The following TRIM37 variants were observed in gnomAD, a reference collection of about 807,000 sequenced individuals.
TRIM37 encodes E3 ubiquitin-protein ligase TRIM37.
In TRIM37, 80 loss-of-function variants were observed where a neutral mutation model predicts 129.8. That is an observed-to-expected ratio of 0.62 (90% confidence interval 0.51 to 0.74). The LOEUF is 0.74. Ranked by LOEUF, TRIM37 falls within the 30% of genes least tolerant of loss-of-function variation. TRIM37 has a pLI of 0.00. For missense variants in TRIM37, 1,054 were observed against 1,176.5 expected, an observed-to-expected ratio of 0.90 and a Z score of 1.52; for synonymous variants, 389 against 387.1, an observed-to-expected ratio of 1.00 and a Z score of -0.06.
chr17:58,999,509 A>T, intron 23 of TRIM37, 50 bp from the exon 24 acceptor site: 1 of 1,454,330 alleles, frequency 6.9e-7, no homozygotes, highest in Non-Finnish European at 9.4e-7. Context: ...GCATATAACA[A>T]GGGCAGTATT....
rs758184105 is a variant in TRIM37, at chr17:58,998,661, TGAAA to T, written c.*712_*715del. ...TCGTATAGTAAGAGGCAGAAAAAAA[TGAAA>T]GAATTTTAAATAATCTTACACGTGT... On this transcript the variant is annotated 3_prime_UTR_variant, in exon 24 of 24. Coordinates refer to ENST00000262294, the MANE Select transcript of TRIM37 (RefSeq NM_015294.6). 140 of 985,124 alleles carry T rather than the reference TGAAA, an allele frequency of 1.4e-4. No individual in the cohort carries two copies. The highest frequency in any genetic ancestry group is 1.6e-4 in the Non-Finnish European group (133 of 829,860). The allele number at this position is 985,124 out of a possible 1,614,324, so 61.0% of individuals were successfully genotyped here. A position where few individuals can be genotyped will look rare whatever the true frequency, so the allele number is the denominator to read the frequency against.
At chr17:58,984,466 C>G (rs2031607568) in intron 24 of TRIM37, 2 of 152,604 alleles carry the variant, frequency 1.3e-5, no homozygotes, top group South Asian at 4.1e-4. Context: ...AATTTTTAAA[C>G]CTAATTTATT....
At chr17:59,062,813 T>C (rs2041609250) in intron 10 of TRIM37, among the ~76,000 whole-genome samples, 165 bp from the exon 11 acceptor site, 1 of 152,130 alleles carries the variant, frequency 6.6e-6, no homozygotes, top group African/African-American at 2.4e-5. Context: ...TTAGATATGC[T>C]TACATCCTGA....
chr17:59,082,839 G>A (rs2043415429), intron 5 of TRIM37, among the ~76,000 whole-genome samples: 1 of 152,108 alleles, frequency 6.6e-6, no homozygotes, highest in Non-Finnish European at 1.5e-5. Context: ...CATTTCTACT[G>A]TCTCTTACAA....
At chr17:59,012,477 T>G in intron 21 of TRIM37, 31 bp from the exon 22 acceptor site, 1 of 1,365,380 alleles carries the variant, frequency 7.3e-7, no homozygotes, top group Non-Finnish European at 1.0e-6. Flanking sequence ...GATATTTCTC[T>G]ATAACTAGTG....
intron 4 of TRIM37, chr17:59,087,957 T>G (rs960333892): frequency 4.2e-6 from 2 of 471,058 alleles, no homozygotes; most frequent in Non-Finnish European, 7.6e-6. Flanking sequence ...TTAAATGACT[T>G]AACACTGTAT....
In TRIM37 at chr17:59,081,115, G is replaced by A. The variant is rs747771229; in HGVS notation, c.474C>T (p.Ile158=). The change falls in exon 6 of 24, where the codon ATC becomes ATT. Residue 158 remains isoleucine (I), a synonymous_variant. Coordinates refer to ENST00000262294, the MANE Select transcript of TRIM37 (RefSeq NM_015294.6). ...AKLRRRLMEL[I]SLVQEVERNV... The stretch of plus-strand genomic sequence containing the variant: ...GTCTTACCACTTCTTGAACTAAGCT[G>A]ATCAGTTCCATGAGACGCCGACGAA... 24 of 1,612,976 alleles carry A rather than the reference G, an allele frequency of 1.5e-5. No individual in the cohort carries two copies. The East Asian group carries it at 5.1e-4, about 34-fold the overall frequency.
In TRIM37 at chr17:59,106,593, C is replaced by G; in HGVS notation, c.-132G>C. 3.8e-6 allele frequency: 4 copies of G among 1,065,484 alleles called. No individual in the cohort carries two copies. The South Asian group carries it at 5.4e-5, about 14-fold the overall frequency. 66.0% of individuals were successfully genotyped at this position (1,065,484 alleles called of 1,614,324 possible). A position where few individuals can be genotyped will look rare whatever the true frequency, so the allele number is the denominator to read the frequency against. ...GCCCACGTCAGGGGGCTCTGACAACCGCCCCACCTGCGCGCCCCATCTCTT... is the reference window on the plus strand; with the variant it reads ...GCCCACGTCAGGGGGCTCTGACAACGGCCCCACCTGCGCGCCCCATCTCTT... On this transcript the variant is annotated 5_prime_UTR_variant, in exon 1 of 24. Coordinates refer to ENST00000262294, the MANE Select transcript of TRIM37 (RefSeq NM_015294.6).
intron 6 of TRIM37, 92 bp from the exon 7 acceptor site, chr17:59,079,969 A>G: frequency 2.8e-6 from 4 of 1,423,478 alleles, no homozygotes; most frequent in Non-Finnish European, 3.9e-6. Context: ...AGATAATATG[A>G]AAAAGGTAGT....
At chr17:59,056,735 A>G in intron 13 of TRIM37, 140 bp downstream of exon 13, 1 of 429,892 alleles carries the variant, frequency 2.3e-6, no homozygotes, top group Middle Eastern at 6.1e-4. Flanking sequence ...AAAAAAAAAA[A>G]AAAAAAAAAA....
chr17:59,098,328 A>G (rs1237016858), intron 2 of TRIM37, among the ~76,000 whole-genome samples: 1 of 152,188 alleles, frequency 6.6e-6, no homozygotes, highest in Non-Finnish European at 1.5e-5. Context: ...AACAATGTGA[A>G]TGTACTTAAT....
intron 2 of TRIM37, among the ~76,000 whole-genome samples, chr17:59,094,159 G>C (rs2044651216): frequency 6.6e-6 from 1 of 152,124 alleles, no homozygotes; most frequent in African/African-American, 2.4e-5. Flanking sequence ...CTCCCAAAGT[G>C]CTGGGATTAC....
At chr17:58,982,390 G>A (rs1340342004), downstream of TRIM37, 2 of 152,590 alleles carry the variant, frequency 1.3e-5, no homozygotes, top group African/African-American at 4.8e-5. Flanking sequence ...ATGTCTTAGT[G>A]TTACCCTCCC....
At chr17:59,084,180 T>A in intron 4 of TRIM37, 91 bp from the exon 5 acceptor site, 1 of 934,412 alleles carries the variant, frequency 1.1e-6, no homozygotes. Flanking sequence ...CAGGTCAGTT[T>A]TAAATGATTA....
chr17:59,055,685 CAAAAA>C lies in TRIM37; in HGVS notation c.1199+1185_1199+1189del, dbSNP rs934273591. ...TGGGCGACAGAGGGAGACTCCATCT[CAAAAA>C]AAAAAAAAAAAAAAAAAAAGCTAAA... On this transcript the variant is annotated intron_variant, in intron 13 of 23. Coordinates refer to ENST00000262294, the MANE Select transcript of TRIM37 (RefSeq NM_015294.6). 2.1e-4 allele frequency among the ~76,000 whole-genome samples: 5 copies of C among 23,870 alleles called. No homozygotes were observed. In the East Asian group the frequency reaches 7.5e-3, roughly 36 times the overall value. 15.7% of individuals were successfully genotyped at this position (23,870 alleles called of 152,430 possible). A position where few individuals can be genotyped will look rare whatever the true frequency, so the allele number is the denominator to read the frequency against.
intron 22 of TRIM37, among the ~76,000 whole-genome samples, chr17:59,008,162 C>T (rs2034787241): frequency 6.6e-6 from 1 of 152,044 alleles, no homozygotes; most frequent in Non-Finnish European, 1.5e-5. Context: ...CTCTCAGCCT[C>T]ATCAGTTAGT....
intron 17 of TRIM37, among the ~76,000 whole-genome samples, chr17:59,036,758 G>A (rs2038564169): frequency 6.6e-6 from 1 of 151,818 alleles, no homozygotes; most frequent in South Asian, 2.1e-4. Context: ...CCTTTTTAAC[G>A]CATAACTTAA....
At chr17:59,100,582 C>T (rs1001057894) in intron 2 of TRIM37, among the ~76,000 whole-genome samples, 1 of 152,114 alleles carries the variant, frequency 6.6e-6, no homozygotes, top group African/African-American at 2.4e-5. Context: ...ACTTATCTAT[C>T]GTGACAGAAA....
At chr17:59,097,830 T>C (rs796462261) in intron 2 of TRIM37, among the ~76,000 whole-genome samples, 5 of 152,336 alleles carry the variant, frequency 3.3e-5, no homozygotes, top group African/African-American at 1.2e-4. Flanking sequence ...AAGACACCCA[T>C]GTTCAAGGAT....
Sources: gnomAD v4.1 joint callset for allele counts (sites outside exome capture counted in the v4.1 genomes callset) on GRCh38, gnomAD v4.1.1 for gene constraint, MANE v1.5 for transcripts, NCBI Gene and HGNC (gene_info 2026-07-23, HGNC 2026-07-21) for gene names.